Variants in MBTD1 observed in about 807,000 individuals in gnomAD.
MBTD1 encodes the protein MBT domain-containing protein 1.
Under a neutral mutation model 87.8 loss-of-function variants are expected in MBTD1, and 24 were observed. The observed-to-expected ratio is 0.27, with a 90% confidence interval of 0.20 to 0.38. MBTD1 has a LOEUF of 0.38. MBTD1 is among the 10% of genes least tolerant of loss of function. MBTD1 has a pLI of 1.00. For synonymous variants in MBTD1, 237 were observed against 248.6 expected (o/e 0.95, Z 0.44); for missense variants, 436 against 760.2 (o/e 0.57, Z 5.02).
At chr17:51,222,258 G>T (rs1043191298) in intron 3 of MBTD1, among the ~76,000 whole-genome samples, 1 of 152,174 alleles carries the variant, frequency 6.6e-6, no homozygotes, top group African/African-American at 2.4e-5. Context: ...TTTATGATAG[G>T]ATTACTAGGC....
At chr17:51,240,653 T>C (rs528496228) in intron 2 of MBTD1, among the ~76,000 whole-genome samples, 1 of 152,316 alleles carries the variant, frequency 6.6e-6, no homozygotes, top group Admixed American at 6.5e-5. Context: ...TCTATCTGAT[T>C]GAGGTAGTGT....
At chr17:51,242,115 T>C (rs2054192470) in intron 2 of MBTD1, among the ~76,000 whole-genome samples, 1 of 152,236 alleles carries the variant, frequency 6.6e-6, no homozygotes, top group African/African-American at 2.4e-5. Flanking sequence ...TAGTGGGGAA[T>C]GATATAAGAA....
chr17:51,203,730 G>A lies in MBTD1; in HGVS notation c.739+61C>T, dbSNP rs554271871. On this transcript the variant is annotated intron_variant, in intron 8 of 16. Coordinates refer to ENST00000586178, the MANE Select transcript of MBTD1 (RefSeq NM_017643.3). ...CCATATTACTCTAACATTACTATGT[G>A]TAAAATAGCATTAAAGTACACATAT... 8.9e-5 allele frequency: 136 copies of A among 1,524,558 alleles called. No homozygotes were observed. The African/African-American group carries it at 1.7e-3, about 19-fold the overall frequency. The allele number at this position is 1,524,558 out of a possible 1,614,324, so 94.4% of individuals were successfully genotyped here.
chr17:51,259,997 G>C lies in MBTD1; in HGVS notation c.-275C>G. ...GCCCAGACCGGTGGCGGGTGCAGCA[G>C]CCCCCGGATTTCCCCCCTTTAACTC... On this transcript the variant is annotated 5_prime_UTR_variant, in exon 1 of 17. Coordinates refer to ENST00000586178, the MANE Select transcript of MBTD1 (RefSeq NM_017643.3). 1.7e-6 allele frequency: 1 copy of C among 604,338 alleles called. No individual in the cohort carries two copies. Among genetic ancestry groups the C allele is most frequent in the Non-Finnish European group, 2.4e-6 (1 of 415,084 alleles). The allele number at this position is 604,338 out of a possible 1,614,324, so 37.4% of individuals were successfully genotyped here.
intron 13 of MBTD1, among the ~76,000 whole-genome samples, chr17:51,194,697 C>T (rs377070809): frequency 1.4e-5 from 2 of 143,094 alleles, no homozygotes; most frequent in East Asian, 2.0e-4. Flanking sequence ...GCCTGGGTAA[C>T]ATAGTGAGAT....
chr17:51,247,023 CTTGA>C (rs2054477358), intron 2 of MBTD1, among the ~76,000 whole-genome samples: 1 of 152,054 alleles, frequency 6.6e-6, no homozygotes, highest in African/African-American at 2.4e-5. Flanking sequence ...TTACTCTATT[CTTGA>C]TTGTGGTGTT....
intron 6 of MBTD1, among the ~76,000 whole-genome samples, chr17:51,213,557 A>T (rs1598350190): frequency 1.3e-5 from 2 of 152,144 alleles, no homozygotes; most frequent in East Asian, 3.8e-4. Context: ...TAAAAAAAAA[A>T]AAAGACTTGC....
At chr17:51,182,021 C>T (rs1392953151) in intron 16 of MBTD1, among the ~76,000 whole-genome samples, 10 of 152,066 alleles carry the variant, frequency 6.6e-5, no homozygotes, top group African/African-American at 1.9e-4. Flanking sequence ...AATCTAGTCC[C>T]GTGTTGAGCA....
chr17:51,213,990 A>G (rs1210318609), intron 6 of MBTD1, among the ~76,000 whole-genome samples: 6 of 152,220 alleles, frequency 3.9e-5, no homozygotes, highest in African/African-American at 1.4e-4. Context: ...AGATACAATA[A>G]AAGACATATC....
At chr17:51,190,880 A>G (rs1373153348) in intron 16 of MBTD1, among the ~76,000 whole-genome samples, 3 of 150,932 alleles carry the variant, frequency 2.0e-5, no homozygotes, top group African/African-American at 7.3e-5. Flanking sequence ...CAAAAGTTTG[A>G]GACCAGCCTG....
At chr17:51,226,562 T>A (rs1406338751) in intron 2 of MBTD1, among the ~76,000 whole-genome samples, 1 of 152,100 alleles carries the variant, frequency 6.6e-6, no homozygotes, top group Non-Finnish European at 1.5e-5. Flanking sequence ...ACATGATTTT[T>A]AAATTTGCCT....
chr17:51,209,329 C>T (rs905903555), intron 6 of MBTD1: 2 of 470,516 alleles, frequency 4.3e-6, no homozygotes, highest in Non-Finnish European at 8.8e-6. Context: ...AGACTCAGGA[C>T]GCGAGGTCCA....
At chr17:51,185,997 T>C (rs2050517818) in intron 16 of MBTD1, 1 of 152,658 alleles carries the variant, frequency 6.6e-6, no homozygotes, top group African/African-American at 2.4e-5. Flanking sequence ...CCCTCTGAAG[T>C]ACCTGAGATG....
chr17:51,201,631 T>C lies in MBTD1; in HGVS notation c.1185A>G (p.Pro395=), dbSNP rs2051497908. The change falls in exon 12 of 17, where the codon CCA becomes CCG. Residue 395 remains proline (P), a synonymous_variant. Transcript: ENST00000586178. ...CGACACATATTGTAGAAAGATTTAA[T>C]GGGTCTATAGCTTCCAATTTCATTC... is the stretch of plus-strand genomic sequence containing the variant. ...KEGMKLEAID[P]LNLSTICVAT... 6.2e-7 allele frequency: 1 copy of C among 1,610,562 alleles called. No individual in the cohort carries two copies. Among genetic ancestry groups the C allele is most frequent in the South Asian group, 1.1e-5 (1 of 90,618 alleles).
At chr17:51,237,180 C>T (rs2053890365) in intron 2 of MBTD1, among the ~76,000 whole-genome samples, 1 of 151,074 alleles carries the variant, frequency 6.6e-6, no homozygotes, top group Non-Finnish European at 1.5e-5. Context: ...CCTGTAATCT[C>T]AGCTACTCGG....
At chr17:51,206,118 T>C (rs942755271) in intron 7 of MBTD1, among the ~76,000 whole-genome samples, 3 of 152,176 alleles carry the variant, frequency 2.0e-5, no homozygotes, top group Non-Finnish European at 4.4e-5. Flanking sequence ...TTTGTCCACA[T>C]TGTCTACCAT....
chr17:51,259,045 A>G, intron 2 of MBTD1, 98 bp downstream of exon 2: 1 of 397,640 alleles, frequency 2.5e-6, no homozygotes. Flanking sequence ...TAATAAGGGT[A>G]GGCAGACAAC....
chr17:51,226,878 G>A (rs987095121), intron 2 of MBTD1, among the ~76,000 whole-genome samples: 30 of 151,836 alleles, frequency 2.0e-4, no homozygotes, highest in Non-Finnish European at 1.3e-4. Context: ...GTGATCGCCT[G>A]CCTTGGCTTC....
At chr17:51,244,586 T>C (rs2054326203) in intron 2 of MBTD1, among the ~76,000 whole-genome samples, 1 of 152,134 alleles carries the variant, frequency 6.6e-6, no homozygotes, top group Non-Finnish European at 1.5e-5. Flanking sequence ...TTTTGTATTT[T>C]TAGTAGAGGC....
Sources: allele counts gnomAD v4.1 joint callset (sites outside exome capture counted in the v4.1 genomes callset), GRCh38; gene constraint gnomAD v4.1.1; transcripts MANE v1.5; gene names NCBI Gene and HGNC (gene_info 2026-07-23, HGNC 2026-07-21).